Variants in DOCK2 observed in about 807,000 individuals in gnomAD.
The protein encoded by DOCK2 is dedicator of cytokinesis 2.
In DOCK2, 87 loss-of-function variants were observed where a neutral mutation model predicts 248.9. The observed-to-expected ratio is 0.35, with a 90% CI of 0.29 to 0.42. DOCK2 has a LOEUF of 0.42. Ranked by LOEUF, DOCK2 falls within the 10% of genes least tolerant of loss-of-function variation. The probability of loss-of-function intolerance (pLI) is 1.00; values close to 1 mark genes in which losing one functional copy is unlikely to be tolerated. For synonymous variants in DOCK2, 805 were observed against 821.6 expected, an observed-to-expected ratio of 0.98 and a Z score of 0.35; for missense variants, 1,747 against 2,300.2, an observed-to-expected ratio of 0.76 and a Z score of 4.92.
intron 27 of DOCK2, among the ~76,000 whole-genome samples, chr5:169,897,273 C>T (rs2113563570): frequency 6.6e-6 from 1 of 152,214 alleles, no homozygotes; most frequent in African/African-American, 2.4e-5. Flanking sequence ...CACCTTCCAC[C>T]TCCTGGGTTC....
At chr5:170,001,433 G>A (rs115061975) in intron 30 of DOCK2, among the ~76,000 whole-genome samples, 2,266 of 152,234 alleles carry the variant, frequency 0.015, 52 homozygotes, top group African/African-American at 0.05. Flanking sequence ...GGAGAAGAGC[G>A]ATTTCAGCAG....
chr5:169,751,574 G>C (rs1271842235), intron 23 of DOCK2, among the ~76,000 whole-genome samples: 4 of 152,188 alleles, frequency 2.6e-5, no homozygotes. Flanking sequence ...ATTTAATTGT[G>C]AGTAGAGCAG....
chr5:169,907,117 C>T (rs1026888411), intron 27 of DOCK2, among the ~76,000 whole-genome samples: 11 of 152,114 alleles, frequency 7.2e-5, no homozygotes, highest in Non-Finnish European at 8.8e-5. Flanking sequence ...TGAAATCAAT[C>T]GAAAGATATG....
In DOCK2 at chr5:170,013,075, T is replaced by C. The variant is rs375545871; in HGVS notation, c.3232+4329T>C. Among the ~76,000 whole-genome samples, 4 of 152,130 alleles carry C rather than the reference T, an allele frequency of 2.6e-5. No individual in the cohort carries two copies. In the East Asian group the frequency reaches 7.7e-4, roughly 29 times the overall value. On this transcript the variant is annotated intron_variant, in intron 32 of 51. Coordinates refer to ENST00000520908, the MANE Select transcript of DOCK2 (RefSeq NM_004946.3). The stretch of plus-strand genomic sequence containing the variant: ...GGCCAAAAGGGATATAAGTGAGGAC[T>C]ATAAGGATGATTCCATGTGGGGAAA...
chr5:169,995,776 G>C (rs560510843), intron 29 of DOCK2, among the ~76,000 whole-genome samples: 1 of 152,294 alleles, frequency 6.6e-6, no homozygotes, highest in Admixed American at 6.5e-5. Context: ...TTGGGGATGG[G>C]GGGGGTGATT....
chr5:169,754,905 T>C (rs1435630006), intron 23 of DOCK2, among the ~76,000 whole-genome samples: 1 of 151,614 alleles, frequency 6.6e-6, no homozygotes, highest in Admixed American at 6.6e-5. Context: ...TTTCCAATAA[T>C]GGTTCCTATT....
intron 27 of DOCK2, among the ~76,000 whole-genome samples, chr5:169,859,365 C>T (rs1771055460): frequency 6.6e-6 from 1 of 152,070 alleles, no homozygotes; most frequent in Non-Finnish European, 1.5e-5. Flanking sequence ...TGAAAGTACT[C>T]AAAAATGGGA....
chr5:169,825,941 G>C (rs1276715131), intron 26 of DOCK2, among the ~76,000 whole-genome samples: 1 of 152,012 alleles, frequency 6.6e-6, no homozygotes, highest in Non-Finnish European at 1.5e-5. Context: ...GGTACATACA[G>C]GGGGAATAAG....
chr5:170,064,457 A>G (rs1421172106), intron 44 of DOCK2, among the ~76,000 whole-genome samples: 1 of 152,020 alleles, frequency 6.6e-6, no homozygotes, highest in African/African-American at 2.4e-5. Context: ...GGAATATTAT[A>G]ACTGAACTGA....
chr5:169,914,063 A>G (rs1306274341), intron 27 of DOCK2, among the ~76,000 whole-genome samples: 1 of 152,212 alleles, frequency 6.6e-6, no homozygotes, highest in Non-Finnish European at 1.5e-5. Flanking sequence ...TTTCAAATGA[A>G]GCTTTTGACT....
intron 14 of DOCK2, 110 bp from the exon 15 acceptor site, chr5:169,708,059 A>G (rs954965251): frequency 1.9e-6 from 2 of 1,046,924 alleles, no homozygotes; most frequent in Non-Finnish European, 2.9e-6. Flanking sequence ...TAGGGAAGGC[A>G]GGGTTGGCCC....
intron 26 of DOCK2, among the ~76,000 whole-genome samples, chr5:169,827,867 AAC>A (rs143420412): frequency 5.3e-5 from 8 of 150,512 alleles, no homozygotes; most frequent in Admixed American, 1.3e-4. Context: ...AAACATTAAA[AAC>A]ACACACACAC....
At chr5:169,815,421 C>T (rs960766005) in intron 26 of DOCK2, among the ~76,000 whole-genome samples, 2 of 152,182 alleles carry the variant, frequency 1.3e-5, no homozygotes, top group Non-Finnish European at 2.9e-5. Context: ...AGTTTGCCTA[C>T]AGCCAAATGC....
chr5:170,050,478 G>A, intron 41 of DOCK2, 81 bp downstream of exon 41: 1 of 1,509,236 alleles, frequency 6.6e-7, no homozygotes, highest in Non-Finnish European at 8.9e-7. Context: ...ACCCACCTTA[G>A]AGCTCAGGGC....
At chr5:169,973,802 T>A in intron 27 of DOCK2, among the ~76,000 whole-genome samples, 1 of 152,204 alleles carries the variant, frequency 6.6e-6, no homozygotes, top group East Asian at 1.9e-4. Context: ...ACTGTGTAAC[T>A]TTACCAATTG....
Position 170,041,132 on chromosome 5 carries a change from C to T in DOCK2, c.3743C>T (p.Thr1248Ile). The T allele has an allele frequency of 6.2e-7, 1 of 1,614,070 alleles. No individual in the cohort carries two copies. Among genetic ancestry groups the T allele is most frequent in the Non-Finnish European group, 8.5e-7 (1 of 1,179,932 alleles). The change falls in exon 37 of 52, where the codon ACC becomes ATC. Residue 1248 changes from threonine (T) to isoleucine (I), a missense_variant. Thr to Ile is a moderately conservative substitution (Grantham distance 89, BLOSUM62 -1). Coordinates refer to ENST00000520908, the MANE Select transcript of DOCK2 (RefSeq NM_004946.3). ...GCTGCCTACACGCTCCTTCTCCACA[C>T]CTGGCTTCTCAAGGTACAGTCACTT... Reference protein sequence around the residue: ...TEAAYTLLLHTWLLKWSDEQC... With the variant: ...TEAAYTLLLHIWLLKWSDEQC...
At chr5:170,067,459 T>G in intron 44 of DOCK2, 51 bp from the exon 45 acceptor site, 2 of 1,568,282 alleles carry the variant, frequency 1.3e-6, no homozygotes, top group Non-Finnish European at 1.7e-6. Context: ...TATCTGTTTT[T>G]AAAGTGACTT....
At chr5:169,784,165 T>C (rs1211922718) in intron 25 of DOCK2, among the ~76,000 whole-genome samples, 1 of 152,222 alleles carries the variant, frequency 6.6e-6, no homozygotes, top group Non-Finnish European at 1.5e-5. Context: ...CAAAATGCTC[T>C]TTTGCTCCCC....
chr5:170,053,426 A>G (rs1425780413), intron 41 of DOCK2, among the ~76,000 whole-genome samples: 3 of 152,234 alleles, frequency 2.0e-5, no homozygotes, highest in Non-Finnish European at 4.4e-5. Flanking sequence ...GTGTTCCAAT[A>G]AAACTCTATG....
Sources: gnomAD v4.1 joint callset for allele counts (sites outside exome capture counted in the v4.1 genomes callset) on GRCh38, gnomAD v4.1.1 for gene constraint, MANE v1.5 for transcripts, NCBI Gene and HGNC (gene_info 2026-07-23, HGNC 2026-07-21) for gene names.